GABARAPL1: variants seen among roughly 807,000 people sequenced by gnomAD.
The protein encoded by GABARAPL1 is gamma-aminobutyric acid receptor-associated protein-like 1.
Under a neutral mutation model 14.5 loss-of-function variants are expected in GABARAPL1, and 4 were observed. That is an observed-to-expected ratio of 0.28 (90% CI 0.14 to 0.63). The LOEUF (loss-of-function observed/expected upper bound fraction) is 0.63. Among genes scored for constraint, GABARAPL1 ranks in the 30% least tolerant of loss-of-function variants. The pLI is 0.84. For missense variants in GABARAPL1, 82 were observed against 139.2 expected (o/e 0.59, Z 2.07); for synonymous variants, 47 against 50.6 (o/e 0.93, Z 0.30).
rs1213853035 is a variant in GABARAPL1 at position 10,222,888 on chromosome 12, G to T, written c.*1036G>T. 1 of 152,588 alleles carries T rather than the reference G, an allele frequency of 6.6e-6. No homozygotes were observed. Among genetic ancestry groups the T allele is most frequent in the Non-Finnish European group, 1.5e-5 (1 of 68,036 alleles). The allele number at this position is 152,588 out of a possible 1,614,324, so 9.5% of individuals were successfully genotyped here. A position where few individuals can be genotyped will look rare whatever the true frequency, so the allele number is the denominator to read the frequency against. On this transcript the variant is annotated 3_prime_UTR_variant, in exon 4 of 4. Transcript: ENST00000266458. ...CAGCTGCTAGTTAGAAAGGTTTGGA[G>T]GGATGACTTTTAGTAAATCATGGGG... is the stretch of plus-strand genomic sequence containing the variant.
At chr12:10,217,922 G>A in intron 1 of GABARAPL1, 141 bp from the exon 2 acceptor site, 2 of 627,146 alleles carry the variant, frequency 3.2e-6, no homozygotes, top group South Asian at 1.8e-5. Context: ...TATAAGGGGT[G>A]GGGGGATAAG....
chr12:10,220,969 T>C (rs1028130581), intron 3 of GABARAPL1: 27 of 1,254,456 alleles, frequency 2.2e-5, no homozygotes, highest in African/African-American at 9.0e-5. Flanking sequence ...TAGCAACAGA[T>C]TGAGAAAGCA....
rs1222482636 is a variant in GABARAPL1 at position 10,222,217 on chromosome 12, G to A, written c.*365G>A. 4 of 237,888 alleles carry A rather than the reference G, an allele frequency of 1.7e-5. No individual in the cohort carries two copies. Among genetic ancestry groups the A allele is most frequent in the Non-Finnish European group, 2.5e-5 (3 of 118,162 alleles). The allele number at this position is 237,888 out of a possible 1,614,324, so 14.7% of individuals were successfully genotyped here. A position where few individuals can be genotyped will look rare whatever the true frequency, so the allele number is the denominator to read the frequency against. ...TGGCAGTCCAGCAGCAACTCCCTGTGCTCCCTTCTCTTTGGGCAGAGATTC... is the reference window on the plus strand; with the variant it reads ...TGGCAGTCCAGCAGCAACTCCCTGTACTCCCTTCTCTTTGGGCAGAGATTC... On this transcript the variant is annotated 3_prime_UTR_variant, in exon 4 of 4. Coordinates refer to ENST00000266458, the MANE Select transcript of GABARAPL1 (RefSeq NM_031412.4).
intron 1 of GABARAPL1, among the ~76,000 whole-genome samples, chr12:10,215,871 T>G (rs1435441315): frequency 7.0e-6 from 1 of 143,694 alleles, no homozygotes; most frequent in Non-Finnish European, 1.5e-5. Context: ...AAACAACTTT[T>G]TGTTTTGTTT....
At chr12:10,221,282 G>A (rs2900384) in intron 3 of GABARAPL1, 733,435 of 963,964 alleles carry the variant, frequency 0.76, 291,291 homozygotes, top group Non-Finnish European at 0.82. Flanking sequence ...TTAATTGGAA[G>A]TGTCAGAATC....
intron 1 of GABARAPL1, among the ~76,000 whole-genome samples, chr12:10,214,932 C>T (rs938432823): frequency 1.3e-5 from 2 of 152,156 alleles, no homozygotes. Flanking sequence ...GCATTCTGTT[C>T]TTTTCCTGCT....
intron 2 of GABARAPL1, among the ~76,000 whole-genome samples, chr12:10,219,618 G>A (rs1949109557): frequency 6.6e-6 from 1 of 152,006 alleles, no homozygotes. Flanking sequence ...TGGCCAACGT[G>A]GTGAAACCCC....
intron 2 of GABARAPL1, among the ~76,000 whole-genome samples, 164 bp downstream of exon 2, chr12:10,218,305 G>A (rs1949101775): frequency 1.3e-5 from 2 of 152,322 alleles, no homozygotes; most frequent in Middle Eastern, 3.4e-3. Context: ...TGGGCGCCCT[G>A]GCTCACGCCT....
At chr12:10,220,773 ATCTTGTCTGACTATAG>A (rs1165004034) in intron 3 of GABARAPL1, 54 of 1,481,314 alleles carry the variant, frequency 3.6e-5, no homozygotes, top group Non-Finnish European at 4.5e-5. Context: ...TCCTTCTGAA[ATCTTGTCTGACTATAG>A]TCTTGTCTGA....
At chr12:10,214,269 T>A (rs1235385543) in intron 1 of GABARAPL1, 1 of 165,046 alleles carries the variant, frequency 6.1e-6, no homozygotes, top group African/African-American at 2.4e-5. Flanking sequence ...ACAGCCACTC[T>A]GGGTTTCTTC....
intron 1 of GABARAPL1, chr12:10,213,742 G>A: frequency 5.0e-6 from 2 of 397,420 alleles, no homozygotes; most frequent in South Asian, 3.4e-5. Context: ...TAATTTTCTT[G>A]CATTACAGGG....
At chr12:10,215,994 G>A in intron 1 of GABARAPL1, among the ~76,000 whole-genome samples, 1 of 151,624 alleles carries the variant, frequency 6.6e-6, no homozygotes, top group Middle Eastern at 3.2e-3. Flanking sequence ...TATAATTTAT[G>A]AAGCATTTTC....
At position 10,222,055 on chromosome 12, in the gene GABARAPL1, A is replaced by G. The variant is rs1215628223; in HGVS notation, c.*203A>G. 1.5e-5 allele frequency: 9 copies of G among 586,470 alleles called. No individual in the cohort carries two copies. In the Admixed American group the frequency reaches 2.5e-4, roughly 16 times the overall value. The allele number at this position is 586,470 out of a possible 1,614,324, so 36.3% of individuals were successfully genotyped here. On this transcript the variant is annotated 3_prime_UTR_variant, in exon 4 of 4. Coordinates refer to ENST00000266458, the MANE Select transcript of GABARAPL1 (RefSeq NM_031412.4). ...TGCTGCTTCCTCGGCCCAGGGAGAAAGCATGTCAGGACAGAGCTGTTGGAT... is the reference window on the plus strand; with the variant it reads ...TGCTGCTTCCTCGGCCCAGGGAGAAGGCATGTCAGGACAGAGCTGTTGGAT...
At chr12:10,216,635 G>A (rs1049442040) in intron 1 of GABARAPL1, among the ~76,000 whole-genome samples, 7 of 150,222 alleles carry the variant, frequency 4.7e-5, no homozygotes, top group African/African-American at 1.7e-4. Context: ...TGCCTCCCAG[G>A]TTCATGCGAT....
chr12:10,217,921 T>TG (rs959124030), intron 1 of GABARAPL1, 142 bp from the exon 2 acceptor site: 34 of 618,418 alleles, frequency 5.5e-5, no homozygotes, highest in Admixed American at 2.8e-4. Context: ...TTATAAGGGG[T>TG]GGGGGGATAA....
chr12:10,214,639 T>TA (rs1949077887), intron 1 of GABARAPL1: 1 of 141,454 alleles, frequency 7.1e-6, no homozygotes, highest in Non-Finnish European at 1.5e-5. Flanking sequence ...ATCATTGACT[T>TA]ACTTCCTTAC....
intron 3 of GABARAPL1, chr12:10,221,034 GGATTCTCCCCA>G: frequency 1.7e-5 from 17 of 985,332 alleles, no homozygotes; most frequent in Non-Finnish European, 2.0e-5. Context: ...GCCAACTGAA[GGATTCTCCCCA>G]CAGTCAGCTT....
At chr12:10,218,239 C>G in intron 2 of GABARAPL1, 98 bp downstream of exon 2, 2 of 800,138 alleles carry the variant, frequency 2.5e-6, no homozygotes, top group Non-Finnish European at 4.5e-6. Flanking sequence ...GCAGTACATA[C>G]TTGAAGGAAG....
chr12:10,217,439 T>C (rs1312102263), intron 1 of GABARAPL1, among the ~76,000 whole-genome samples: 1 of 152,156 alleles, frequency 6.6e-6, no homozygotes, highest in Non-Finnish European at 1.5e-5. Context: ...TCTAATTAAA[T>C]ACCAGAAGGT....
Sources: gnomAD v4.1 joint callset for allele counts (sites outside exome capture counted in the v4.1 genomes callset) on GRCh38, gnomAD v4.1.1 for gene constraint, MANE v1.5 for transcripts, NCBI Gene and HGNC (gene_info 2026-07-23, HGNC 2026-07-21) for gene names.